Variants in HCN1 observed in about 807,000 individuals in gnomAD.
The protein encoded by HCN1 is potassium/sodium hyperpolarization-activated cyclic nucleotide-gated channel 1.
HCN1 carries 13 observed loss-of-function variants against 78.9 expected under a neutral mutation model. That is an observed-to-expected ratio of 0.16 (90% confidence interval 0.11 to 0.26). The LOEUF is 0.26. Among genes scored for constraint, HCN1 ranks in the 10% least tolerant of loss-of-function variants. The pLI, the probability that HCN1 is intolerant of heterozygous loss-of-function variation, is 1.00. For missense variants in HCN1, 810 were observed against 1,154.3 expected (o/e 0.70, Z 4.32); for synonymous variants, 552 against 455.5 (o/e 1.21, Z -2.70).
chr5:45,295,704 T>A (rs1219433823), intron 6 of HCN1, among the ~76,000 whole-genome samples: 1 of 152,028 alleles, frequency 6.6e-6, no homozygotes, highest in Non-Finnish European at 1.5e-5. Context: ...TTTGGTGAAC[T>A]GATTATGTTT....
At chr5:45,490,526 T>C (rs1325165029) in intron 2 of HCN1, among the ~76,000 whole-genome samples, 1 of 152,154 alleles carries the variant, frequency 6.6e-6, no homozygotes, top group Admixed American at 6.6e-5. Context: ...CAGAAATAGA[T>C]AAAATGTGAT....
chr5:45,374,092 G>A (rs1432593322), intron 4 of HCN1, among the ~76,000 whole-genome samples: 40 of 34,462 alleles, frequency 1.2e-3, no homozygotes, highest in Non-Finnish European at 1.5e-3. Flanking sequence ...TTACATATAT[G>A]TATATAATAT....
intron 1 of HCN1, among the ~76,000 whole-genome samples, chr5:45,663,095 G>A (rs1745953699): frequency 6.7e-6 from 1 of 149,678 alleles, no homozygotes; most frequent in Non-Finnish European, 1.5e-5. Flanking sequence ...CATGGTACTG[G>A]TACCAAAACA....
chr5:45,671,062 C>T (rs904887011), intron 1 of HCN1, among the ~76,000 whole-genome samples: 7 of 151,778 alleles, frequency 4.6e-5, no homozygotes, highest in Non-Finnish European at 7.4e-5. Flanking sequence ...ACACTAAATG[C>T]ATTATTAATC....
intron 5 of HCN1, among the ~76,000 whole-genome samples, chr5:45,314,349 G>C (rs760642496): frequency 1.2e-4 from 18 of 152,098 alleles, no homozygotes; most frequent in Non-Finnish European, 2.5e-4. Flanking sequence ...CCCTACAAGA[G>C]ATCCTGAAAG....
At chr5:45,551,992 T>A (rs1743379221) in intron 2 of HCN1, among the ~76,000 whole-genome samples, 1 of 152,094 alleles carries the variant, frequency 6.6e-6, no homozygotes, top group Admixed American at 6.6e-5. Context: ...ATATACACAG[T>A]GACCATTAAT....
chr5:45,342,956 C>T (rs182902084), intron 5 of HCN1, among the ~76,000 whole-genome samples: 76 of 152,156 alleles, frequency 5.0e-4, no homozygotes, highest in East Asian at 2.5e-3. Flanking sequence ...TCTTATATTA[C>T]GGACTAAGTA....
intron 4 of HCN1, among the ~76,000 whole-genome samples, chr5:45,354,287 A>C (rs1410264102): frequency 1.3e-5 from 2 of 152,004 alleles, no homozygotes; most frequent in African/African-American, 4.8e-5. Context: ...GCAGGGGGTC[A>C]TAAGACCACA....
At chr5:45,273,864 T>C (rs1745004515) in intron 6 of HCN1, among the ~76,000 whole-genome samples, 1 of 152,144 alleles carries the variant, frequency 6.6e-6, no homozygotes, top group Non-Finnish European at 1.5e-5. Flanking sequence ...ACTGCCTCTG[T>C]ATGGCACAGG....
chr5:45,439,932 G>A (rs1740638632), intron 3 of HCN1, among the ~76,000 whole-genome samples: 1 of 148,342 alleles, frequency 6.7e-6, no homozygotes, highest in African/African-American at 2.5e-5. Context: ...TAGTCATATT[G>A]TATGTAATTA....
rs1304219961 is a variant in HCN1, at chr5:45,443,809, C to G, written c.1011+18037G>C. 2.0e-5 allele frequency among the ~76,000 whole-genome samples: 3 copies of G among 151,748 alleles called. No homozygotes were observed. In the East Asian group the frequency reaches 5.8e-4, roughly 29 times the overall value. ...TTTAATCTAGAAGGCTATTTTGTTA[C>G]AATTTTAAAGATTTTTCTTATTACT... is the stretch of plus-strand genomic sequence containing the variant. On this transcript the variant is annotated intron_variant, in intron 3 of 7. Coordinates refer to ENST00000303230, the MANE Select transcript of HCN1 (RefSeq NM_021072.4).
intron 6 of HCN1, among the ~76,000 whole-genome samples, chr5:45,282,544 C>G (rs567483533): frequency 6.6e-6 from 1 of 152,296 alleles, no homozygotes; most frequent in Non-Finnish European, 1.5e-5. Flanking sequence ...TGACCATTCA[C>G]ATTTGGATGC....
intron 1 of HCN1, among the ~76,000 whole-genome samples, chr5:45,694,489 T>C (rs1739968636): frequency 6.6e-6 from 1 of 152,226 alleles, no homozygotes; most frequent in Non-Finnish European, 1.5e-5. Context: ...GGCATGTAGT[T>C]GGTGACAATT....
At chr5:45,304,380 T>C (rs552772314) in intron 5 of HCN1, among the ~76,000 whole-genome samples, 11 of 151,964 alleles carry the variant, frequency 7.2e-5, no homozygotes, top group African/African-American at 2.4e-4. Context: ...GAAACTCTAA[T>C]CTAAAAGTAT....
intron 5 of HCN1, among the ~76,000 whole-genome samples, chr5:45,327,193 T>C (rs921372211): frequency 3.3e-5 from 5 of 151,548 alleles, no homozygotes; most frequent in African/African-American, 1.2e-4. Context: ...TTAAGTCTAT[T>C]TGAGGTGATA....
intron 2 of HCN1, among the ~76,000 whole-genome samples, chr5:45,494,912 A>AT (rs1423625060): frequency 6.6e-6 from 1 of 150,614 alleles, no homozygotes; most frequent in African/African-American, 2.4e-5. Context: ...ATAGTTGTAG[A>AT]TATGTGGCAT....
intron 3 of HCN1, among the ~76,000 whole-genome samples, chr5:45,427,715 G>A (rs1430764527): frequency 2.0e-5 from 3 of 152,016 alleles, no homozygotes; most frequent in East Asian, 3.9e-4. Context: ...GCACTAAATT[G>A]CTTTTATTTG....
At chr5:45,516,710 G>A (rs1742522690) in intron 2 of HCN1, among the ~76,000 whole-genome samples, 1 of 151,876 alleles carries the variant, frequency 6.6e-6, no homozygotes, top group African/African-American at 2.4e-5. Flanking sequence ...ATAAGCCAAA[G>A]CTAATTGTGT....
intron 3 of HCN1, among the ~76,000 whole-genome samples, chr5:45,425,353 C>CA (rs1189993074): frequency 1.3e-5 from 2 of 152,152 alleles, no homozygotes; most frequent in Non-Finnish European, 2.9e-5. Context: ...TTGATAAACT[C>CA]AAAAATCATT....
Sources: allele counts gnomAD v4.1 joint callset (sites outside exome capture counted in the v4.1 genomes callset), GRCh38; gene constraint gnomAD v4.1.1; transcripts MANE v1.5; gene names NCBI Gene and HGNC (gene_info 2026-07-23, HGNC 2026-07-21).